The following FUT8 variants were observed in gnomAD, a reference collection of about 807,000 sequenced individuals.
FUT8 encodes alpha-(1,6)-fucosyltransferase.
In FUT8, 29 loss-of-function variants were observed where a neutral mutation model predicts 71.3. The ratio of observed to expected loss-of-function variants is 0.41; its 90% CI spans 0.30 to 0.55. FUT8 has a LOEUF of 0.55. Among genes scored for constraint, FUT8 ranks in the 20% least tolerant of loss-of-function variants. FUT8 has a pLI of 0.34. For missense variants in FUT8, 544 were observed against 702.1 expected (o/e 0.77, Z 2.55); for synonymous variants, 254 against 239.3 (o/e 1.06, Z -0.57).
chr14:65,576,122 C>T (rs1263656570), intron 3 of FUT8, among the ~76,000 whole-genome samples: 1 of 152,074 alleles, frequency 6.6e-6, no homozygotes, highest in East Asian at 1.9e-4. Flanking sequence ...TTTTGGTTTG[C>T]TTAGCTTTAA....
At chr14:65,553,170 T>A (rs753732968) in intron 2 of FUT8, among the ~76,000 whole-genome samples, 2 of 152,118 alleles carry the variant, frequency 1.3e-5, no homozygotes, top group Non-Finnish European at 2.9e-5. Flanking sequence ...GGGAAATAAA[T>A]TTTTAATTTT....
At chr14:65,582,265 A>AT (rs919049606) in intron 3 of FUT8, among the ~76,000 whole-genome samples, 17 of 151,794 alleles carry the variant, frequency 1.1e-4, no homozygotes, top group African/African-American at 3.6e-4. Context: ...AAATTTATAT[A>AT]TTTTTTTTCC....
intron 2 of FUT8, among the ~76,000 whole-genome samples, chr14:65,474,830 C>G (rs577380247): frequency 1.3e-5 from 2 of 152,180 alleles, no homozygotes; most frequent in South Asian, 4.2e-4. Flanking sequence ...TGATATTCAT[C>G]CTTCATTTTT....
At chr14:65,389,530 C>T in the FUT8 span, among the ~76,000 whole-genome samples, 5 of 152,030 alleles carry the variant, frequency 3.3e-5, no homozygotes, top group Admixed American at 6.6e-5. Flanking sequence ...CCAGGCTGGT[C>T]TTGAACCCCT....
chr14:65,700,105 A>G (rs530722696), intron 7 of FUT8, among the ~76,000 whole-genome samples: 49 of 152,276 alleles, frequency 3.2e-4, no homozygotes, highest in African/African-American at 1.1e-3. Context: ...TATGTTGTAT[A>G]TGTTGTTTCC....
In FUT8 at chr14:65,413,437, AGGGGCGCCCGCC is replaced by A. The variant is rs1469822727; in HGVS notation, c.-326+224_-326+235del. Among the ~76,000 whole-genome samples the A allele has an allele frequency of 4.9e-4, 73 of 149,558 alleles. No individual in the cohort carries two copies. Among genetic ancestry groups the A allele is most frequent in the African/African-American group, 1.7e-3 (68 of 40,566 alleles). The stretch of plus-strand genomic sequence containing the variant: ...GCCCCGGGGGCGCGGGCAGAGGGTG[AGGGGCGCCCGCC>A]TCTCCAGCCGGGACGCGGAGCTGCG... On this transcript the variant is annotated intron_variant, in intron 1 of 10. Transcript: ENST00000673929. The surrounding 1 kb of genome is among the most constrained non-coding windows in gnomAD (Gnocchi z 4.1).
chr14:65,437,246 G>A (rs1052358833), intron 1 of FUT8, among the ~76,000 whole-genome samples: 1 of 152,120 alleles, frequency 6.6e-6, no homozygotes, highest in Non-Finnish European at 1.5e-5. Flanking sequence ...TCAAACAAAA[G>A]CTTAGGGTAT....
chr14:65,435,441 G>A (rs192347062), intron 1 of FUT8, among the ~76,000 whole-genome samples: 3 of 152,150 alleles, frequency 2.0e-5, no homozygotes, highest in East Asian at 3.9e-4. Context: ...TCAATAGTTC[G>A]TTCCTTTACA....
At position 65,552,523 on chromosome 14, in the gene FUT8, A is replaced by T. The variant is rs1885346364; in HGVS notation, c.-227-8814A>T. ...ATTTAAAAAATAAAATTTACATAAC[A>T]TGAATGACTGCACTAAATGAAGTAT... On this transcript the variant is annotated intron_variant, in intron 2 of 10. Transcript: ENST00000673929. Among the ~76,000 whole-genome samples, 5 of 152,224 alleles carry T rather than the reference A, an allele frequency of 3.3e-5. 1 individual carries two copies. In the South Asian group the frequency reaches 1.0e-3, roughly 31 times the overall value.
chr14:65,618,978 G>T (rs1889456803), intron 5 of FUT8, among the ~76,000 whole-genome samples: 1 of 152,090 alleles, frequency 6.6e-6, no homozygotes, highest in South Asian at 2.1e-4. Context: ...ACAGAGTGTG[G>T]GTACCCTGGC....
In FUT8 at chr14:65,531,474, T is replaced by A. The variant is rs1883950865; in HGVS notation, c.-227-29863T>A. Among the ~76,000 whole-genome samples, 2 of 151,046 alleles carry A rather than the reference T, an allele frequency of 1.3e-5. 1 individual carries two copies. Among genetic ancestry groups the A allele is most frequent in the South Asian group, 4.2e-4 (2 of 4,788 alleles). ...CATCAGAATTGTACATTGTGAGTCTTAAAAAAAAATGAGGAAATGTAGAGC... is the reference window on the plus strand; with the variant it reads ...CATCAGAATTGTACATTGTGAGTCTAAAAAAAAAATGAGGAAATGTAGAGC... On this transcript the variant is annotated intron_variant, in intron 2 of 10. Transcript: ENST00000673929.
chr14:65,526,264 T>C (rs888755788), intron 2 of FUT8, among the ~76,000 whole-genome samples: 12 of 152,246 alleles, frequency 7.9e-5, no homozygotes, highest in Non-Finnish European at 5.9e-5. Flanking sequence ...GGTGCAAATA[T>C]ATTTAGTATA....
chr14:65,390,249 G>T, the FUT8 span, among the ~76,000 whole-genome samples: 5 of 151,030 alleles, frequency 3.3e-5, no homozygotes, highest in African/African-American at 2.4e-5. Flanking sequence ...CTTGAACCCG[G>T]GTGGTGGAGG....
At chr14:65,597,274 A>G (rs1401628243) in intron 3 of FUT8, among the ~76,000 whole-genome samples, 1 of 152,184 alleles carries the variant, frequency 6.6e-6, no homozygotes, top group Non-Finnish European at 1.5e-5. Flanking sequence ...GCTAACCAGC[A>G]TTTTAAAAGG....
the FUT8 span, among the ~76,000 whole-genome samples, chr14:65,357,644 G>A: frequency 3.3e-5 from 5 of 152,204 alleles, no homozygotes; most frequent in African/African-American, 1.2e-4. Context: ...CAGCCAGACT[G>A]TCTATGTGTA....
chr14:65,702,565 G>A (rs948466347), intron 7 of FUT8, among the ~76,000 whole-genome samples: 3 of 152,124 alleles, frequency 2.0e-5, no homozygotes, highest in African/African-American at 7.2e-5. Context: ...GAGAAAAGGT[G>A]AAGTAGTATA....
intron 2 of FUT8, among the ~76,000 whole-genome samples, chr14:65,514,368 A>G (rs972863812): frequency 1.3e-5 from 2 of 152,234 alleles, no homozygotes; most frequent in Admixed American, 1.3e-4. Flanking sequence ...TTTATCAGGC[A>G]GTCTACCAAG....
chr14:65,694,288 A>G (rs1771367094), intron 7 of FUT8, among the ~76,000 whole-genome samples: 1 of 152,152 alleles, frequency 6.6e-6, no homozygotes. Context: ...CCTTTTCATT[A>G]TGTGTATTCA....
chr14:65,408,976 C>CT (rs1232767368), upstream of FUT8, among the ~76,000 whole-genome samples: 7 of 152,138 alleles, frequency 4.6e-5, no homozygotes, highest in African/African-American at 1.4e-4. Flanking sequence ...AAAATATAGA[C>CT]TTTTTTTCCC....
Sources: gnomAD v4.1 joint callset for allele counts (sites outside exome capture counted in the v4.1 genomes callset) on GRCh38, gnomAD v4.1.1 for gene constraint, Gnocchi (gnomAD v3.1) non-coding constraint, MANE v1.5 for transcripts, NCBI Gene and HGNC (gene_info 2026-07-23, HGNC 2026-07-21) for gene names.